The following METTL24 variants were observed in gnomAD, a reference collection of about 807,000 sequenced individuals.
METTL24 encodes the protein probable methyltransferase-like protein 24.
A neutral mutation model predicts 32.7 loss-of-function variants in METTL24; 29 were observed. The ratio of observed to expected loss-of-function variants is 0.89; its 90% confidence interval spans 0.66 to 1.21. The LOEUF (loss-of-function observed/expected upper bound fraction) is 1.21, where lower values mean the gene tolerates loss of function less well. Ranked by LOEUF, METTL24 falls within the 50% of genes most tolerant of loss-of-function variation. The probability of loss-of-function intolerance (pLI) is 0.00; values close to 1 mark genes in which losing one functional copy is unlikely to be tolerated. For missense variants in METTL24, 439 were observed against 468.1 expected, an observed-to-expected ratio of 0.94 and a Z score of 0.57; for synonymous variants, 163 against 179.5, an observed-to-expected ratio of 0.91 and a Z score of 0.73.
At chr6:110,340,647 G>C (rs1312113552) in intron 1 of METTL24, among the ~76,000 whole-genome samples, 1 of 152,122 alleles carries the variant, frequency 6.6e-6, no homozygotes, top group Non-Finnish European at 1.5e-5. Flanking sequence ...CAGTATTCTG[G>C]AGCACTTGTC....
chr6:110,327,885 G>A (rs940537917), intron 1 of METTL24, among the ~76,000 whole-genome samples: 3 of 152,122 alleles, frequency 2.0e-5, no homozygotes, highest in African/African-American at 4.8e-5. Context: ...TATCATCCAC[G>A]TGTTTCAAAT....
At chr6:110,338,738 A>G (rs1049029858) in intron 1 of METTL24, among the ~76,000 whole-genome samples, 2 of 152,224 alleles carry the variant, frequency 1.3e-5, no homozygotes, top group African/African-American at 2.4e-5. Flanking sequence ...CTAAATCTGT[A>G]TAAGTTCTCT....
chr6:110,247,043 T>G (rs2334322), intron 4 of METTL24, among the ~76,000 whole-genome samples: 33,932 of 151,926 alleles, frequency 0.22, 5,601 homozygotes, highest in African/African-American at 0.47. Flanking sequence ...AAGAGGATTG[T>G]AATATCAATA....
chr6:110,259,987 A>C (rs1251741074), intron 4 of METTL24, among the ~76,000 whole-genome samples: 1 of 152,198 alleles, frequency 6.6e-6, no homozygotes, highest in African/African-American at 2.4e-5. Context: ...TCAAAGACCA[A>C]AGGTAGATAA....
chr6:110,262,416 A>G (rs1185617428), intron 4 of METTL24, among the ~76,000 whole-genome samples: 4 of 152,140 alleles, frequency 2.6e-5, no homozygotes, highest in Non-Finnish European at 5.9e-5. Context: ...GACTAAACCA[A>G]GAAGAAATTG....
rs1487861972 is a variant in METTL24, at chr6:110,262,907, C to G, written c.787-16647G>C. On this transcript the variant is annotated intron_variant, in intron 4 of 4. Transcript: ENST00000338882. ...CAATAGATGCAGAAAAGGCCTTTGA[C>G]AAAATTCAACAGCCCTTCATGCTAA... Among the ~76,000 whole-genome samples, 11 of 152,210 alleles carry G rather than the reference C, an allele frequency of 7.2e-5. No homozygotes were observed. The South Asian group carries it at 2.3e-3, about 32-fold the overall frequency.
At chr6:110,249,902 G>A (rs1188654177) in intron 4 of METTL24, among the ~76,000 whole-genome samples, 1 of 151,880 alleles carries the variant, frequency 6.6e-6, no homozygotes, top group Non-Finnish European at 1.5e-5. Context: ...GTATTAAAGG[G>A]GTCCTCCTAT....
At chr6:110,272,349 C>A (rs186057125) in intron 4 of METTL24, among the ~76,000 whole-genome samples, 17 of 152,224 alleles carry the variant, frequency 1.1e-4, no homozygotes, top group African/African-American at 4.1e-4. Context: ...TACATACCAC[C>A]TTTTCTTTAT....
chr6:110,319,462 T>TAGAC (rs61447199), intron 2 of METTL24, among the ~76,000 whole-genome samples: 1 of 151,180 alleles, frequency 6.6e-6, no homozygotes, highest in Non-Finnish European at 1.5e-5. Flanking sequence ...GATAGATAGA[T>TAGAC]GACAGACAGA....
At chr6:110,287,969 C>T (rs1364388992) in intron 4 of METTL24, among the ~76,000 whole-genome samples, 1 of 152,174 alleles carries the variant, frequency 6.6e-6, no homozygotes, top group Non-Finnish European at 1.5e-5. Context: ...AAAGGAGCTT[C>T]CCTCCTGAGA....
At chr6:110,261,914 C>T (rs1210911923) in intron 4 of METTL24, among the ~76,000 whole-genome samples, 2 of 152,096 alleles carry the variant, frequency 1.3e-5, no homozygotes, top group South Asian at 4.1e-4. Context: ...TTCTTTGAAA[C>T]CAACGAGAAC....
chr6:110,254,393 AGGC>A (rs1778343194), intron 4 of METTL24: 1 of 152,308 alleles, frequency 6.6e-6, no homozygotes, highest in African/African-American at 2.4e-5. Flanking sequence ...GCACTTTGGG[AGGC>A]TGAGGCAGGT....
At chr6:110,303,063 G>A (rs563750734) in intron 3 of METTL24, among the ~76,000 whole-genome samples, 8 of 152,168 alleles carry the variant, frequency 5.3e-5, no homozygotes, top group African/African-American at 1.7e-4. Context: ...ACAGGGGGTC[G>A]GGAAATCCCT....
intron 4 of METTL24, among the ~76,000 whole-genome samples, chr6:110,269,709 A>C (rs1482721928): frequency 6.6e-6 from 1 of 152,186 alleles, no homozygotes; most frequent in African/African-American, 2.4e-5. Flanking sequence ...ACACTTGGCA[A>C]TTTTTGAATT....
intron 4 of METTL24, 146 bp from the exon 5 acceptor site, chr6:110,246,406 T>C: frequency 3.0e-6 from 2 of 677,874 alleles, no homozygotes. Flanking sequence ...TTTGCATTTA[T>C]GACATGAATT....
chr6:110,259,238 G>A (rs7760856), intron 4 of METTL24, among the ~76,000 whole-genome samples: 11,071 of 152,170 alleles, frequency 0.073, 589 homozygotes, highest in African/African-American at 0.16. Context: ...GGTGACAGAC[G>A]GCACCTGGAA....
chr6:110,315,583 G>T (rs1307276409), intron 2 of METTL24, 102 bp from the exon 3 acceptor site: 2 of 1,264,580 alleles, frequency 1.6e-6, no homozygotes, highest in African/African-American at 1.5e-5. Context: ...TAATAGGAAA[G>T]TTATAATCTC....
At chr6:110,351,289 G>A (rs904104601) in intron 1 of METTL24, among the ~76,000 whole-genome samples, 2 of 152,134 alleles carry the variant, frequency 1.3e-5, no homozygotes, top group African/African-American at 2.4e-5. Context: ...CCTAGATCTT[G>A]TAGGCGTATA....
At chr6:110,269,119 G>A (rs540905023) in intron 4 of METTL24, among the ~76,000 whole-genome samples, 35 of 152,204 alleles carry the variant, frequency 2.3e-4, no homozygotes, top group Non-Finnish European at 4.4e-4. Flanking sequence ...TTTGGGAAGC[G>A]GTTGCTGTTT....
Sources: allele counts gnomAD v4.1 joint callset (sites outside exome capture counted in the v4.1 genomes callset), GRCh38; gene constraint gnomAD v4.1.1; transcripts MANE v1.5; gene names NCBI Gene and HGNC (gene_info 2026-07-23, HGNC 2026-07-21).